Variants in UTRN observed in about 807,000 individuals in gnomAD.
UTRN encodes the protein dystrophin-related protein 1.
In UTRN, 283 loss-of-function variants were observed where a neutral mutation model predicts 463.9. The observed-to-expected ratio is 0.61, with a 90% CI of 0.55 to 0.67. The LOEUF is 0.67. Ranked by LOEUF, UTRN falls within the 30% of genes least tolerant of loss-of-function variation. UTRN has a pLI of 0.00. For synonymous variants in UTRN, 1,442 were observed against 1,431.5 expected (o/e 1.01, Z -0.17); for missense variants, 3,922 against 4,084.3 (o/e 0.96, Z 1.08).
At chr6:144,290,501 A>C (rs1804125753) in intron 1 of UTRN, among the ~76,000 whole-genome samples, 1 of 151,452 alleles carries the variant, frequency 6.6e-6, no homozygotes, top group South Asian at 2.1e-4. Flanking sequence ...TGATGTGGTG[A>C]TTTTCCATTC....
intron 53 of UTRN, among the ~76,000 whole-genome samples, chr6:144,719,798 T>C (rs1214776900): frequency 6.6e-6 from 1 of 151,506 alleles, no homozygotes; most frequent in Non-Finnish European, 1.5e-5. Flanking sequence ...GGGAGGAGGG[T>C]TTTAAACAGA....
intron 57 of UTRN, 57 bp from the exon 58 acceptor site, chr6:144,757,857 CAGTTGTTTTGCATTA>C (rs1285709110): frequency 1.5e-6 from 2 of 1,358,244 alleles, no homozygotes; most frequent in African/African-American, 2.9e-5. Context: ...ATAAAATGTT[CAGTTGTTTTGCATTA>C]AGGTGTAAGG....
chr6:144,404,056 G>T (rs1219752133), intron 3 of UTRN, among the ~76,000 whole-genome samples: 2 of 152,176 alleles, frequency 1.3e-5, no homozygotes, highest in Non-Finnish European at 2.9e-5. Context: ...GGTATTTCTT[G>T]AGGAAAAATG....
At chr6:144,300,423 C>G (rs1417103658) in intron 2 of UTRN, among the ~76,000 whole-genome samples, 1 of 152,144 alleles carries the variant, frequency 6.6e-6, no homozygotes, top group Non-Finnish European at 1.5e-5. Context: ...TTAACCAAAC[C>G]AAATCAAGTC....
chr6:144,648,019 C>A (rs1778451552), intron 51 of UTRN, among the ~76,000 whole-genome samples: 1 of 152,194 alleles, frequency 6.6e-6, no homozygotes, highest in Admixed American at 6.5e-5. Flanking sequence ...ATACTTCTTA[C>A]TTAACATTAA....
At chr6:144,380,608 T>C (rs1780826020) in intron 2 of UTRN, among the ~76,000 whole-genome samples, 1 of 151,902 alleles carries the variant, frequency 6.6e-6, no homozygotes, top group Non-Finnish European at 1.5e-5. Context: ...GTCAGGAGTT[T>C]GAGATCAGCC....
intron 60 of UTRN, among the ~76,000 whole-genome samples, chr6:144,777,191 T>C (rs1164450033): frequency 6.6e-6 from 1 of 152,166 alleles, no homozygotes; most frequent in Non-Finnish European, 1.5e-5. Context: ...ATAGCAGTAC[T>C]CCAGAAGATG....
At chr6:144,824,431 C>CATTGTATATATATACACAATGTATATAT (rs1779873276) in intron 66 of UTRN, among the ~76,000 whole-genome samples, 2 of 112,674 alleles carry the variant, frequency 1.8e-5, no homozygotes, top group Non-Finnish European at 3.6e-5. Context: ...CACACACACA[C>CATTGTATATATATACACAATGTATATAT]ATTGTATATA....
intron 51 of UTRN, among the ~76,000 whole-genome samples, chr6:144,657,285 CA>C (rs1695837273): frequency 6.7e-6 from 1 of 148,262 alleles, no homozygotes; most frequent in Non-Finnish European, 1.5e-5. Context: ...AGGCTGACAT[CA>C]TAGCTAGATT....
intron 32 of UTRN, among the ~76,000 whole-genome samples, chr6:144,491,710 A>G: frequency 6.6e-6 from 1 of 152,124 alleles, no homozygotes; most frequent in Admixed American, 6.5e-5. Flanking sequence ...AGGTATAGGG[A>G]CAGTTCTTTG....
At chr6:144,416,038 G>C (rs965276553) in intron 3 of UTRN, among the ~76,000 whole-genome samples, 14 of 151,680 alleles carry the variant, frequency 9.2e-5, no homozygotes, top group Non-Finnish European at 1.6e-4. Flanking sequence ...GTAGTCCGTG[G>C]ATGTGTGTGT....
At chr6:144,690,089 T>TGTGTGTG (rs1436355407) in intron 52 of UTRN, among the ~76,000 whole-genome samples, 2 of 36,830 alleles carry the variant, frequency 5.4e-5, no homozygotes, top group African/African-American at 2.9e-4. Flanking sequence ...TTTTTTTTTT[T>TGTGTGTG]TTTTTTTGTG....
At chr6:144,569,002 C>T (rs2128620966) in intron 50 of UTRN, among the ~76,000 whole-genome samples, 1 of 152,150 alleles carries the variant, frequency 6.6e-6, no homozygotes, top group Non-Finnish European at 1.5e-5. Flanking sequence ...TCCTGAGACT[C>T]TAATTTCAGT....
chr6:144,539,478 T>C, intron 45 of UTRN, 35 bp downstream of exon 45: 1 of 1,541,132 alleles, frequency 6.5e-7, no homozygotes, highest in Non-Finnish European at 8.8e-7. Flanking sequence ...ATTTCTCATA[T>C]TTATTGATTT....
At chr6:144,777,578 C>T (rs1775444824) in intron 60 of UTRN, among the ~76,000 whole-genome samples, 1 of 151,992 alleles carries the variant, frequency 6.6e-6, no homozygotes, top group African/African-American at 2.4e-5. Flanking sequence ...GGTATTTGTT[C>T]TATTATTTTC....
intron 2 of UTRN, among the ~76,000 whole-genome samples, chr6:144,395,479 A>G (rs1480894155): frequency 6.6e-6 from 1 of 151,918 alleles, no homozygotes; most frequent in Non-Finnish European, 1.5e-5. Flanking sequence ...AATCTTAGAA[A>G]CATTCTTTCA....
chr6:144,627,331 TTC>T (rs1776051965), intron 51 of UTRN, among the ~76,000 whole-genome samples: 1 of 152,242 alleles, frequency 6.6e-6, no homozygotes, highest in Admixed American at 6.5e-5. Flanking sequence ...TCGGTTTACT[TTC>T]TGTTTCTTCA....
At chr6:144,635,521 T>TC (rs1777054334) in intron 51 of UTRN, among the ~76,000 whole-genome samples, 52 of 78,718 alleles carry the variant, frequency 6.6e-4, no homozygotes, top group Non-Finnish European at 1.2e-3. Context: ...TTTCTTTTTT[T>TC]TTTTTTTTCT....
chr6:144,623,503 T>A (rs979372212), intron 51 of UTRN, among the ~76,000 whole-genome samples: 7 of 152,176 alleles, frequency 4.6e-5, no homozygotes, highest in African/African-American at 9.7e-5. Context: ...TTGAAATAGA[T>A]CCCCTTTGGA....
Sources: allele counts gnomAD v4.1 joint callset (sites outside exome capture counted in the v4.1 genomes callset), GRCh38; gene constraint gnomAD v4.1.1; transcripts MANE v1.5; gene names NCBI Gene and HGNC (gene_info 2026-07-23, HGNC 2026-07-21).